Variants in LRRC72 observed in about 807,000 individuals in gnomAD.
LRRC72 encodes leucine rich repeat containing 72.
LRRC72 carries 41 observed loss-of-function variants against 35.8 expected under a neutral mutation model. That is an observed-to-expected ratio of 1.15 (90% CI 0.89 to 1.49). LRRC72 has a LOEUF of 1.49. Ranked by LOEUF, LRRC72 falls within the 40% of genes most tolerant of loss-of-function variation. The probability of loss-of-function intolerance (pLI) is 0.00; values close to 1 mark genes in which losing one functional copy is unlikely to be tolerated. For synonymous variants in LRRC72, 118 were observed against 119.2 expected, an observed-to-expected ratio of 0.99 and a Z score of 0.07; for missense variants, 389 against 330.7, an observed-to-expected ratio of 1.18 and a Z score of -1.37.
At chr7:16,549,661 T>A (rs551205104) in intron 3 of LRRC72, among the ~76,000 whole-genome samples, 2 of 152,308 alleles carry the variant, frequency 1.3e-5, no homozygotes, top group African/African-American at 4.8e-5. Flanking sequence ...TCAGAGTGGG[T>A]GCATCAAGGT....
intron 3 of LRRC72, among the ~76,000 whole-genome samples, chr7:16,543,107 C>G (rs550810592): frequency 6.6e-6 from 1 of 152,286 alleles, no homozygotes; most frequent in African/African-American, 2.4e-5. Context: ...ATCGCAAACT[C>G]TAACAGGCAT....
rs185008750 is a variant in LRRC72 at position 16,572,492 on chromosome 7, G to T, written c.670+4949G>T. ...GCTTCATCCTTGGGATGCAAGGCTG[G>T]TTCAACATATGCAAATCAATAAATG... On this transcript the variant is annotated intron_variant, in intron 7 of 8. Transcript: ENST00000401542. Among the ~76,000 whole-genome samples the T allele has an allele frequency of 4.0e-3, 609 of 152,254 alleles. 2 individuals carry two copies. The highest frequency in any genetic ancestry group is 0.014 in the African/African-American group (584 of 41,540).
At chr7:16,549,635 G>C (rs775228557) in intron 3 of LRRC72, among the ~76,000 whole-genome samples, 2 of 152,122 alleles carry the variant, frequency 1.3e-5, no homozygotes, top group Non-Finnish European at 2.9e-5. Context: ...TGCATGAATA[G>C]CTCTTGATTA....
chr7:16,553,604 T>C (rs903531953), intron 3 of LRRC72, among the ~76,000 whole-genome samples: 1 of 152,214 alleles, frequency 6.6e-6, no homozygotes, highest in Non-Finnish European at 1.5e-5. Context: ...CATTTCACAA[T>C]GTCTAGAGAC....
At chr7:16,557,580 T>G (rs554859609) in intron 4 of LRRC72, 139 bp downstream of exon 4, 3 of 337,012 alleles carry the variant, frequency 8.9e-6, no homozygotes, top group South Asian at 1.5e-4. Context: ...TTTTTAAATG[T>G]TTTAATGTAC....
At chr7:16,565,387 A>G (rs1469519046) in intron 5 of LRRC72, among the ~76,000 whole-genome samples, 2 of 151,778 alleles carry the variant, frequency 1.3e-5, no homozygotes, top group Non-Finnish European at 2.9e-5. Context: ...GAGCAAGATC[A>G]TGCCATTGCG....
chr7:16,552,274 A>T (rs10257751), intron 3 of LRRC72, among the ~76,000 whole-genome samples: 117,649 of 152,144 alleles, frequency 0.77, 45,813 homozygotes, highest in East Asian at 1. Context: ...AATTACAGCA[A>T]CATTGATTAT....
In LRRC72 at chr7:16,526,867, C is replaced by A; in HGVS notation, c.-86C>A. 9.6e-7 allele frequency: 1 copy of A among 1,036,666 alleles called. No homozygotes were observed. The highest frequency in any genetic ancestry group is 2.6e-5 in the East Asian group (1 of 38,374). 64.2% of individuals were successfully genotyped at this position (1,036,666 alleles called of 1,614,324 possible). A position where few individuals can be genotyped will look rare whatever the true frequency, so the allele number is the denominator to read the frequency against. On this transcript the variant is annotated 5_prime_UTR_variant, in exon 1 of 9. In the 5' UTR this introduces an upstream ATG that the reference lacks. Coordinates refer to ENST00000401542, the MANE Select transcript of LRRC72 (RefSeq NM_001195280.2). Reference sequence around the variant, plus strand: ...TAACTGTTGGTAACAGAACAACGAGCTGTGCACCAAGCCAAGTCTCTCTTC... The same window carrying A: ...TAACTGTTGGTAACAGAACAACGAGATGTGCACCAAGCCAAGTCTCTCTTC...
At chr7:16,558,701 C>T (rs1782693061) in intron 4 of LRRC72, among the ~76,000 whole-genome samples, 188 bp from the exon 5 acceptor site, 1 of 151,690 alleles carries the variant, frequency 6.6e-6, no homozygotes, top group African/African-American at 2.4e-5. Flanking sequence ...TGAATTATGC[C>T]TTATTGTATT....
intron 2 of LRRC72, 102 bp from the exon 3 acceptor site, chr7:16,537,525 G>A (rs1374628166): frequency 5.4e-6 from 3 of 555,200 alleles, no homozygotes; most frequent in Admixed American, 3.9e-5. Context: ...AGGACAAAGA[G>A]AGGCCTTTCT....
intron 3 of LRRC72, among the ~76,000 whole-genome samples, chr7:16,540,670 GT>G (rs1488955083): frequency 9.9e-5 from 15 of 152,160 alleles, no homozygotes; most frequent in Non-Finnish European, 1.5e-4. Flanking sequence ...CATGGGGGCA[GT>G]TTCCCTCATG....
At chr7:16,577,881 A>T (rs986567795) in intron 7 of LRRC72, among the ~76,000 whole-genome samples, 5 of 152,230 alleles carry the variant, frequency 3.3e-5, no homozygotes, top group African/African-American at 1.2e-4. Flanking sequence ...AAGGGTTGTT[A>T]AAGATGAGGG....
intron 3 of LRRC72, among the ~76,000 whole-genome samples, chr7:16,551,132 T>A (rs190524899): frequency 1.3e-5 from 2 of 152,158 alleles, no homozygotes; most frequent in Admixed American, 6.5e-5. Flanking sequence ...AAAATCCTTA[T>A]AACAAAAAGG....
At chr7:16,571,857 C>T (rs1782951423) in intron 7 of LRRC72, among the ~76,000 whole-genome samples, 1 of 152,098 alleles carries the variant, frequency 6.6e-6, no homozygotes, top group Admixed American at 6.5e-5. Flanking sequence ...CTGTTCAGTC[C>T]CCTAAAAAGG....
At chr7:16,533,722 T>C (rs1782206582) in intron 2 of LRRC72, among the ~76,000 whole-genome samples, 1 of 152,142 alleles carries the variant, frequency 6.6e-6, no homozygotes, top group Non-Finnish European at 1.5e-5. Flanking sequence ...GTAATGGCTC[T>C]GAATCTCTTG....
At chr7:16,560,487 G>C (rs1467336112) in intron 5 of LRRC72, among the ~76,000 whole-genome samples, 1 of 152,050 alleles carries the variant, frequency 6.6e-6, no homozygotes, top group Non-Finnish European at 1.5e-5. Context: ...CCTGCTGTCA[G>C]GAGTTTTTTT....
chr7:16,566,253 A>G, intron 5 of LRRC72, 60 bp from the exon 6 acceptor site: 5 of 1,070,878 alleles, frequency 4.7e-6, no homozygotes, highest in Non-Finnish European at 6.6e-6. Context: ...GTATTTTATA[A>G]GTGATAAGTG....
At chr7:16,560,642 G>A (rs1156981972) in intron 5 of LRRC72, among the ~76,000 whole-genome samples, 1 of 151,168 alleles carries the variant, frequency 6.6e-6, no homozygotes, top group East Asian at 1.9e-4. Context: ...AAAATGGGCT[G>A]ATAGCTACCT....
rs75011653 is a variant in LRRC72, at chr7:16,575,952, A to G, written c.671-4122A>G. On this transcript the variant is annotated intron_variant, in intron 7 of 8. Transcript: ENST00000401542. Reference sequence around the variant, plus strand: ...GTTTAACCAGATTGCTGGAAGAACTATAATCCTTTTTAAATTCTCTTTACT... The same window carrying G: ...GTTTAACCAGATTGCTGGAAGAACTGTAATCCTTTTTAAATTCTCTTTACT... Among the ~76,000 whole-genome samples, 52 of 152,346 alleles carry G rather than the reference A, an allele frequency of 3.4e-4. 1 individual carries two copies. In the East Asian group the frequency reaches 9.5e-3, roughly 28 times the overall value.
Sources: gnomAD v4.1 joint callset for allele counts (sites outside exome capture counted in the v4.1 genomes callset) on GRCh38, gnomAD v4.1.1 for gene constraint, MANE v1.5 for transcripts, NCBI Gene and HGNC (gene_info 2026-07-23, HGNC 2026-07-21) for gene names.